Variants in RFX7 observed in about 807,000 individuals in gnomAD.
RFX7 encodes the protein DNA-binding protein RFX7.
A neutral mutation model predicts 111.8 loss-of-function variants in RFX7; 26 were observed. The ratio of observed to expected loss-of-function variants is 0.23; its 90% confidence interval spans 0.17 to 0.32. RFX7 has a LOEUF of 0.32. RFX7 is among the 10% of genes least tolerant of loss of function. The probability of loss-of-function intolerance (pLI) is 1.00; values close to 1 mark genes in which losing one functional copy is unlikely to be tolerated. For missense variants in RFX7, 1,573 were observed against 1,772.9 expected, an observed-to-expected ratio of 0.89 and a Z score of 2.02; for synonymous variants, 624 against 624.4, an observed-to-expected ratio of 1.00 and a Z score of 0.01.
intron 3 of RFX7, among the ~76,000 whole-genome samples, chr15:56,150,096 A>T (rs1249217263): frequency 6.6e-6 from 1 of 152,186 alleles, no homozygotes; most frequent in South Asian, 2.1e-4. Context: ...CAGCCACAGG[A>T]TAAACAAAGC....
chr15:56,116,257 G>A (rs1302137131), intron 5 of RFX7, among the ~76,000 whole-genome samples: 1 of 152,182 alleles, frequency 6.6e-6, no homozygotes, highest in African/African-American at 2.4e-5. Context: ...CCATTTCGTA[G>A]ATGAGAAAAC....
At chr15:56,172,926 A>G (rs2042861270) in intron 3 of RFX7, among the ~76,000 whole-genome samples, 1 of 152,208 alleles carries the variant, frequency 6.6e-6, no homozygotes, top group Admixed American at 6.5e-5. Context: ...CCATCTCAAA[A>G]CATGAACAAA....
chr15:56,110,518 A>G (rs1237649233), intron 5 of RFX7, among the ~76,000 whole-genome samples: 1 of 71,642 alleles, frequency 1.4e-5, no homozygotes, highest in African/African-American at 4.8e-5. Flanking sequence ...CTGCCCGGCC[A>G]GCTGCCCCGT....
At chr15:56,119,888 T>C (rs1324159349) in intron 5 of RFX7, among the ~76,000 whole-genome samples, 1 of 152,152 alleles carries the variant, frequency 6.6e-6, no homozygotes, top group Non-Finnish European at 1.5e-5. Context: ...TTTATGCCAG[T>C]ACCATGCTGT....
chr15:56,229,223 T>A (rs1169337161), intron 2 of RFX7, among the ~76,000 whole-genome samples: 1 of 152,324 alleles, frequency 6.6e-6, no homozygotes, highest in East Asian at 1.9e-4. Context: ...ACTACCATAC[T>A]ATAACTTTGC....
intron 5 of RFX7, among the ~76,000 whole-genome samples, chr15:56,118,158 C>T (rs2042033452): frequency 6.6e-6 from 1 of 152,092 alleles, no homozygotes; most frequent in South Asian, 2.1e-4. Context: ...GGGTATCCAT[C>T]ACCTCGAGCA....
At chr15:56,229,782 C>T (rs548548572) in intron 2 of RFX7, among the ~76,000 whole-genome samples, 1 of 152,238 alleles carries the variant, frequency 6.6e-6, no homozygotes, top group South Asian at 2.1e-4. Context: ...ATATAAAATA[C>T]AATTTTAAAG....
chr15:56,184,702 G>A (rs1327753990), intron 2 of RFX7, among the ~76,000 whole-genome samples: 1 of 152,160 alleles, frequency 6.6e-6, no homozygotes, highest in African/African-American at 2.4e-5. Flanking sequence ...TGCCTGGCTT[G>A]CTCCCTTACT....
chr15:56,120,126 G>T (rs1272180362), intron 5 of RFX7, among the ~76,000 whole-genome samples: 1 of 152,052 alleles, frequency 6.6e-6, no homozygotes, highest in Non-Finnish European at 1.5e-5. Context: ...ATGATTCTTT[G>T]AATCCATGAA....
At chr15:56,102,950 A>ATT (rs2041777121) in intron 6 of RFX7, among the ~76,000 whole-genome samples, 1 of 152,164 alleles carries the variant, frequency 6.6e-6, no homozygotes, top group Non-Finnish European at 1.5e-5. Context: ...TTCTAAGAGG[A>ATT]GAAAGAACTA....
Position 56,203,380 on chromosome 15 carries a change from C to T in RFX7, c.162-24077G>A, listed in dbSNP as rs534454398. 6.8e-4 allele frequency among the ~76,000 whole-genome samples: 104 copies of T among 152,080 alleles called. 1 individual carries two copies. The highest frequency in any genetic ancestry group is 2.3e-3 in the African/African-American group (97 of 41,484). On this transcript the variant is annotated intron_variant, in intron 2 of 9. Coordinates refer to ENST00000559447, the MANE Select transcript of RFX7 (RefSeq NM_022841.7). ...AATTGCTGGGTTAAATAAAATGAGC[C>T]AGGATTTTAATATTGTTTAAAATTG...
At chr15:56,156,456 A>T (rs2042654151) in intron 3 of RFX7, among the ~76,000 whole-genome samples, 1 of 152,036 alleles carries the variant, frequency 6.6e-6, no homozygotes, top group South Asian at 2.1e-4. Flanking sequence ...AAACAAAACC[A>T]CAGTTTGTTC....
intron 3 of RFX7, among the ~76,000 whole-genome samples, chr15:56,172,051 T>G (rs1214857843): frequency 6.6e-6 from 1 of 152,076 alleles, no homozygotes; most frequent in African/African-American, 2.4e-5. Flanking sequence ...TCTTAAGGAA[T>G]TTTAAAAATG....
rs1412519813 is a variant in RFX7 at position 56,102,230 on chromosome 15, T to C, written c.542A>G (p.Lys181Arg). The change falls in exon 7 of 10, where the codon AAA becomes AGA. Residue 181 changes from lysine (K) to arginine (R), a missense_variant. This residue lies in a region of RFX7 where 11 missense variants were observed against 30.4 expected (regional missense o/e 0.36). Coordinates refer to ENST00000559447, the MANE Select transcript of RFX7 (RefSeq NM_022841.7). ...TGTTGGCATATGAACAAAAGCTTTT[T>C]TTCTTAGTCCACTGTAGCAATATGT... The part of the protein sequence containing the change: ...KSKYCYSGLR[K>R]KAFVHMPTLP... 1.2e-6 allele frequency: 2 copies of C among 1,611,888 alleles called. No individual in the cohort carries two copies. Among genetic ancestry groups the C allele is most frequent in the Non-Finnish European group, 1.7e-6 (2 of 1,178,358 alleles).
intron 2 of RFX7, among the ~76,000 whole-genome samples, chr15:56,227,355 T>G (rs1028325233): frequency 1.3e-5 from 2 of 152,196 alleles, no homozygotes; most frequent in South Asian, 2.1e-4. Flanking sequence ...CATCCACACT[T>G]GAAATGATTA....
At chr15:56,165,426 C>T (rs1413630743) in intron 3 of RFX7, among the ~76,000 whole-genome samples, 1 of 152,190 alleles carries the variant, frequency 6.6e-6, no homozygotes, top group Non-Finnish European at 1.5e-5. Flanking sequence ...CAGGAAGTGA[C>T]AATACCCTTA....
intron 3 of RFX7, among the ~76,000 whole-genome samples, chr15:56,164,923 T>C (rs185188415): frequency 3.3e-5 from 5 of 152,322 alleles, no homozygotes; most frequent in African/African-American, 1.2e-4. Context: ...AAAAAGTCTT[T>C]TAAAGCAATG....
intron 2 of RFX7, among the ~76,000 whole-genome samples, chr15:56,222,372 T>G (rs2043435756): frequency 6.6e-6 from 1 of 152,206 alleles, no homozygotes; most frequent in Non-Finnish European, 1.5e-5. Context: ...CTGGGATTGG[T>G]GTTTGCTGAC....
At chr15:56,190,099 A>G (rs140634009) in intron 2 of RFX7, among the ~76,000 whole-genome samples, 30 of 152,364 alleles carry the variant, frequency 2.0e-4, no homozygotes, top group East Asian at 3.9e-4. Context: ...AGTTCATTCT[A>G]TATGATTTTA....
Sources: allele counts gnomAD v4.1 joint callset (sites outside exome capture counted in the v4.1 genomes callset), GRCh38; gene constraint gnomAD v4.1.1; regional missense constraint gnomAD v4.1.1; transcripts MANE v1.5; gene names NCBI Gene and HGNC (gene_info 2026-07-23, HGNC 2026-07-21).